The following SKIC3 variants were observed in gnomAD, a reference collection of about 807,000 sequenced individuals.
SKIC3 encodes the protein SKI3 subunit of superkiller complex.
the SKIC3 span, among the ~76,000 whole-genome samples, chr5:95,505,159 A>T: frequency 6.6e-6 from 1 of 152,196 alleles, no homozygotes; most frequent in East Asian, 1.9e-4. Context: ...TATCTTTGAG[A>T]TTCTTCTTTC....
At chr5:95,529,650 C>A in the SKIC3 span, among the ~76,000 whole-genome samples, 1 of 152,102 alleles carries the variant, frequency 6.6e-6, no homozygotes, top group Admixed American at 6.6e-5. Flanking sequence ...ACCTACCTGG[C>A]TTGTATTTAC....
the SKIC3 span, among the ~76,000 whole-genome samples, chr5:95,492,497 C>A: frequency 1.4e-5 from 2 of 146,522 alleles, no homozygotes; most frequent in Non-Finnish European, 3.0e-5. Flanking sequence ...ATTAGCCGGG[C>A]GTAGTGGCGG....
At chr5:95,509,073 T>C in the SKIC3 span, among the ~76,000 whole-genome samples, 2 of 152,306 alleles carry the variant, frequency 1.3e-5, no homozygotes, top group Admixed American at 1.3e-4. Flanking sequence ...AACCAAAATA[T>C]AGCTGAAAAT....
the SKIC3 span, among the ~76,000 whole-genome samples, chr5:95,481,857 C>T: frequency 6.6e-6 from 1 of 152,028 alleles, no homozygotes; most frequent in Non-Finnish European, 1.5e-5. Context: ...AGATAATAAG[C>T]GTCTATAAAT....
chr5:95,469,733 T>G, the SKIC3 span: 1 of 1,611,474 alleles, frequency 6.2e-7, no homozygotes, highest in Non-Finnish European at 8.5e-7. Flanking sequence ...CTAGAAAGAT[T>G]TAAAGTGAAG....
the SKIC3 span, chr5:95,464,585 C>A: frequency 6.3e-7 from 1 of 1,580,694 alleles, no homozygotes; most frequent in South Asian, 1.1e-5. Context: ...TCTTTGCTTC[C>A]TTACTATAAA....
the SKIC3 span, among the ~76,000 whole-genome samples, chr5:95,485,400 CTT>C: frequency 6.4e-4 from 98 of 152,310 alleles, no homozygotes; most frequent in African/African-American, 2.3e-3. Context: ...AGTATAAACT[CTT>C]TGGCATCTTT....
At chr5:95,530,773 T>C in the SKIC3 span, among the ~76,000 whole-genome samples, 1 of 152,340 alleles carries the variant, frequency 6.6e-6, no homozygotes, top group Middle Eastern at 3.4e-3. Context: ...TCTTTTTCTA[T>C]ATAAGTGAAT....
the SKIC3 span, chr5:95,529,990 C>T: frequency 4.7e-6 from 7 of 1,481,378 alleles, no homozygotes; most frequent in Non-Finnish European, 6.5e-6. Context: ...TTCCCTTCCA[C>T]CTTAGATAGA....
chr5:95,476,578 A>C, the SKIC3 span, among the ~76,000 whole-genome samples: 31 of 152,296 alleles, frequency 2.0e-4, 1 homozygote, highest in African/African-American at 7.5e-4. Context: ...GATTGATAGC[A>C]CTTTAAGGTT....
the SKIC3 span, among the ~76,000 whole-genome samples, chr5:95,485,564 T>C: frequency 1.3e-5 from 2 of 152,202 alleles, no homozygotes; most frequent in South Asian, 4.1e-4. Context: ...AATTTCTCCA[T>C]CTACCTTCAC....
At chr5:95,499,896 C>T in the SKIC3 span, among the ~76,000 whole-genome samples, 1 of 151,978 alleles carries the variant, frequency 6.6e-6, no homozygotes, top group Non-Finnish European at 1.5e-5. Context: ...GAGGAAAATT[C>T]ATTAATGTTT....
At chr5:95,507,103 A>C in the SKIC3 span, 2 of 1,149,246 alleles carry the variant, frequency 1.7e-6, no homozygotes, top group Non-Finnish European at 2.6e-6. Context: ...TTGTTCATTT[A>C]ATTCTACTAA....
At chr5:95,536,607 G>A in the SKIC3 span, 3 of 503,276 alleles carry the variant, frequency 6.0e-6, no homozygotes, top group Non-Finnish European at 1.1e-5. Flanking sequence ...AATAAATCTG[G>A]CAACTCATAA....
At chr5:95,523,362 A>G in the SKIC3 span, 1 of 1,580,518 alleles carries the variant, frequency 6.3e-7, no homozygotes, top group Non-Finnish European at 8.7e-7. Flanking sequence ...AGATATATTG[A>G]ACATTATAAA....
At chr5:95,518,970 A>G in the SKIC3 span, among the ~76,000 whole-genome samples, 3 of 151,254 alleles carry the variant, frequency 2.0e-5, no homozygotes, top group Non-Finnish European at 4.4e-5. Flanking sequence ...GCCAGCCTTT[A>G]TTTTTTGTCT....
the SKIC3 span, chr5:95,524,611 T>A: frequency 6.2e-7 from 1 of 1,612,330 alleles, no homozygotes; most frequent in Non-Finnish European, 8.5e-7. Context: ...CAAAGGGTAA[T>A]AAAAAGAAAT....
the SKIC3 span, among the ~76,000 whole-genome samples, chr5:95,477,655 C>T: frequency 6.6e-6 from 1 of 152,110 alleles, no homozygotes; most frequent in Non-Finnish European, 1.5e-5. Flanking sequence ...TATATGTTTC[C>T]ATATAATTAC....
the SKIC3 span, among the ~76,000 whole-genome samples, chr5:95,489,259 C>A: frequency 6.6e-6 from 1 of 151,726 alleles, no homozygotes; most frequent in Non-Finnish European, 1.5e-5. Context: ...GGCAACACAG[C>A]AAGACCTCAT....
Sources: gnomAD v4.1 joint callset for allele counts (sites outside exome capture counted in the v4.1 genomes callset) on GRCh38, gnomAD v4.1.1 for gene constraint, MANE v1.5 for transcripts, NCBI Gene and HGNC (gene_info 2026-07-23, HGNC 2026-07-21) for gene names.